Variants in KDM7A observed in about 807,000 individuals in gnomAD.
KDM7A encodes lysine demethylase 7A.
A neutral mutation model predicts 114.8 loss-of-function variants in KDM7A; 28 were observed. The observed-to-expected ratio is 0.24, with a 90% CI of 0.18 to 0.33. The LOEUF (loss-of-function observed/expected upper bound fraction) is 0.33, where lower values mean the gene tolerates loss of function less well. KDM7A is among the 10% of genes least tolerant of loss of function. The probability of loss-of-function intolerance (pLI) is 1.00; values close to 1 mark genes in which losing one functional copy is unlikely to be tolerated. For synonymous variants in KDM7A, 423 were observed against 397.8 expected, an observed-to-expected ratio of 1.06 and a Z score of -0.75; for missense variants, 942 against 1,142.5, an observed-to-expected ratio of 0.82 and a Z score of 2.53.
chr7:140,148,053 T>C lies in KDM7A; in HGVS notation c.195-8863A>G, dbSNP rs141426457. On this transcript the variant is annotated intron_variant, in intron 1 of 19. Coordinates refer to ENST00000397560, the MANE Select transcript of KDM7A (RefSeq NM_030647.2). ...ACAGCAGCTATTAATATTATTATCA[T>C]GTCTCTACCAGGTTCCAGTCAGCCA... is the stretch of plus-strand genomic sequence containing the variant. 2.3e-3 allele frequency among the ~76,000 whole-genome samples: 346 copies of C among 152,280 alleles called. 2 individuals carry two copies. The highest frequency in any genetic ancestry group is 3.8e-3 in the Non-Finnish European group (260 of 68,004).
intron 3 of KDM7A, among the ~76,000 whole-genome samples, chr7:140,130,051 G>A (rs1290582893): frequency 6.6e-6 from 1 of 152,052 alleles, no homozygotes; most frequent in African/African-American, 2.4e-5. Context: ...TCCGATTAGG[G>A]ATGCTCAGCT....
At chr7:140,131,016 G>T (rs1404286054) in intron 3 of KDM7A, among the ~76,000 whole-genome samples, 1 of 137,582 alleles carries the variant, frequency 7.3e-6, no homozygotes, top group East Asian at 2.1e-4. Flanking sequence ...ACCACGCCTG[G>T]CTAATTTTTT....
intron 1 of KDM7A, among the ~76,000 whole-genome samples, chr7:140,165,730 T>C (rs1180741228): frequency 6.6e-6 from 1 of 152,150 alleles, no homozygotes; most frequent in Non-Finnish European, 1.5e-5. Flanking sequence ...CTAACCGTTA[T>C]TTTACTTAAT....
Position 140,168,793 on chromosome 7 carries a change from T to G in KDM7A, c.194+7951A>C, listed in dbSNP as rs547961553. The stretch of plus-strand genomic sequence containing the variant: ...AGCAAATTTGTTTCTCACAAAAATA[T>G]AGGTTAGCAAATTCTTGGACTACTT... On this transcript the variant is annotated intron_variant, in intron 1 of 19. Transcript: ENST00000397560. Among the ~76,000 whole-genome samples the G allele has an allele frequency of 3.9e-5, 6 of 152,314 alleles. No individual in the cohort carries two copies. The East Asian group carries it at 9.6e-4, about 24-fold the overall frequency.
At chr7:140,115,894 TA>T (rs35004743) in intron 9 of KDM7A, among the ~76,000 whole-genome samples, 39,557 of 140,480 alleles carry the variant, frequency 0.28, 5,796 homozygotes, top group African/African-American at 0.37. Flanking sequence ...ATTTTTATCA[TA>T]AAAAAAAAAG....
chr7:140,131,248 A>G (rs1269876838), intron 3 of KDM7A, among the ~76,000 whole-genome samples: 1 of 152,166 alleles, frequency 6.6e-6, no homozygotes, highest in Non-Finnish European at 1.5e-5. Context: ...TCAACACGTT[A>G]CAGGCATTAC....
intron 11 of KDM7A, among the ~76,000 whole-genome samples, chr7:140,102,412 C>T: frequency 6.7e-6 from 1 of 150,230 alleles, no homozygotes; most frequent in Non-Finnish European, 1.5e-5. Context: ...TCGCTCTTGT[C>T]ACCCAGGCTG....
intron 2 of KDM7A, among the ~76,000 whole-genome samples, chr7:140,136,244 G>A (rs12216620): frequency 0.42 from 63,203 of 152,096 alleles, 13,392 homozygotes; most frequent in Middle Eastern, 0.48. Flanking sequence ...TGTTATAAAT[G>A]TCAAAGAAGA....
At chr7:140,153,291 T>C (rs1794421448) in intron 1 of KDM7A, among the ~76,000 whole-genome samples, 1 of 151,412 alleles carries the variant, frequency 6.6e-6, no homozygotes, top group Non-Finnish European at 1.5e-5. Flanking sequence ...ATTGAGACCA[T>C]CCTGGCTAAC....
intron 11 of KDM7A, among the ~76,000 whole-genome samples, chr7:140,109,055 T>A (rs547533707): frequency 6.6e-6 from 1 of 152,286 alleles, no homozygotes; most frequent in East Asian, 1.9e-4. Flanking sequence ...TCCGTGGGTG[T>A]GGGACCCTCG....
intron 3 of KDM7A, 92 bp from the exon 4 acceptor site, chr7:140,129,745 A>C (rs1818757776): frequency 1.4e-6 from 1 of 732,598 alleles, no homozygotes. Flanking sequence ...CATATACTGG[A>C]TTATCTATAT....
chr7:140,100,721 TATATATATATATATATATATACATATA>T (rs1562946102), intron 12 of KDM7A, among the ~76,000 whole-genome samples: 16 of 57,154 alleles, frequency 2.8e-4, no homozygotes, highest in South Asian at 1.2e-3. Context: ...CATATATATA[TATATATATATATATATATATACATATA>T]TATTTTTTTG....
At chr7:140,171,479 T>C (rs1353224137) in intron 1 of KDM7A, among the ~76,000 whole-genome samples, 1 of 146,014 alleles carries the variant, frequency 6.8e-6, no homozygotes, top group Non-Finnish European at 1.5e-5. Context: ...AAAATATATA[T>C]TTATATTTAT....
chr7:140,175,709 C>G (rs1181644454), intron 1 of KDM7A, among the ~76,000 whole-genome samples: 2 of 152,144 alleles, frequency 1.3e-5, no homozygotes, highest in Non-Finnish European at 1.5e-5. Flanking sequence ...GCGGCCCGAG[C>G]TCTCAAACGT....
chr7:140,119,779 ACACAGAT>A (rs778595069), intron 8 of KDM7A, among the ~76,000 whole-genome samples: 1 of 152,192 alleles, frequency 6.6e-6, no homozygotes, highest in Non-Finnish European at 1.5e-5. Flanking sequence ...ATAACGCCAC[ACACAGAT>A]GCATAGCTTC....
intron 9 of KDM7A, among the ~76,000 whole-genome samples, chr7:140,115,683 G>A (rs1283546130): frequency 6.6e-6 from 1 of 151,650 alleles, no homozygotes; most frequent in Non-Finnish European, 1.5e-5. Flanking sequence ...CTCTGCCTAG[G>A]AAAACCAGAG....
chr7:140,138,324 A>T (rs1201621949), intron 2 of KDM7A, among the ~76,000 whole-genome samples: 1 of 152,016 alleles, frequency 6.6e-6, no homozygotes, highest in African/African-American at 2.4e-5. Flanking sequence ...AAAAAAAAAA[A>T]TTTATAACAT....
At chr7:140,157,266 A>AT (rs946708006) in intron 1 of KDM7A, among the ~76,000 whole-genome samples, 5 of 152,154 alleles carry the variant, frequency 3.3e-5, no homozygotes, top group East Asian at 1.9e-4. Flanking sequence ...AAATCGATGG[A>AT]TTTTTTTGTC....
intron 1 of KDM7A, among the ~76,000 whole-genome samples, chr7:140,166,574 G>A (rs1478882905): frequency 6.6e-6 from 1 of 151,964 alleles, no homozygotes. Flanking sequence ...CTGGACTCAC[G>A]CCATCCACCC....
Sources: gnomAD v4.1 joint callset for allele counts (sites outside exome capture counted in the v4.1 genomes callset) on GRCh38, gnomAD v4.1.1 for gene constraint, MANE v1.5 for transcripts, NCBI Gene and HGNC (gene_info 2026-07-23, HGNC 2026-07-21) for gene names.